PTPRG: variants seen among roughly 807,000 people sequenced by gnomAD.
PTPRG encodes protein tyrosine phosphatase receptor type G.
Under a neutral mutation model 165.3 loss-of-function variants are expected in PTPRG, and 102 were observed. The observed-to-expected ratio is 0.62, with a 90% CI of 0.53 to 0.73. The LOEUF is 0.73. Ranked by LOEUF, PTPRG falls within the 30% of genes least tolerant of loss-of-function variation. The probability of loss-of-function intolerance (pLI) is 0.00; values close to 1 mark genes in which losing one functional copy is unlikely to be tolerated. For missense variants in PTPRG, 1,866 were observed against 1,861.4 expected, an observed-to-expected ratio of 1.00 and a Z score of -0.05; for synonymous variants, 675 against 669.5, an observed-to-expected ratio of 1.01 and a Z score of -0.13.
chr3:62,189,070 A>C (rs1038758244), intron 8 of PTPRG, among the ~76,000 whole-genome samples: 1 of 152,040 alleles, frequency 6.6e-6, no homozygotes, highest in African/African-American at 2.4e-5. Flanking sequence ...GTCTCCGTGG[A>C]AGCCTCCCTT....
intron 1 of PTPRG, among the ~76,000 whole-genome samples, chr3:61,643,934 A>G (rs1417493897): frequency 2.0e-5 from 3 of 152,216 alleles, no homozygotes; most frequent in African/African-American, 7.2e-5. Flanking sequence ...TGCACCTTGT[A>G]GGAAGGAACA....
chr3:61,905,931 T>G (rs1346812174), intron 2 of PTPRG, among the ~76,000 whole-genome samples: 2 of 152,238 alleles, frequency 1.3e-5, no homozygotes, highest in African/African-American at 4.8e-5. Flanking sequence ...TTAAGATTCC[T>G]TGTACTTAGG....
chr3:62,137,364 G>A (rs575416728), intron 6 of PTPRG, among the ~76,000 whole-genome samples: 1 of 152,296 alleles, frequency 6.6e-6, no homozygotes, highest in South Asian at 2.1e-4. Flanking sequence ...GTGAATCGGT[G>A]TAAAAATATA....
intron 1 of PTPRG, among the ~76,000 whole-genome samples, chr3:61,704,814 A>C (rs773233787): frequency 7.2e-5 from 11 of 152,206 alleles, no homozygotes; most frequent in Non-Finnish European, 1.5e-4. Context: ...ATACTTTCTG[A>C]GATGAACTGC....
chr3:61,885,366 A>G (rs2037999079), intron 2 of PTPRG, among the ~76,000 whole-genome samples: 1 of 151,692 alleles, frequency 6.6e-6, no homozygotes, highest in African/African-American at 2.4e-5. Flanking sequence ...AAAAATGATT[A>G]TCCATACTTC....
intron 1 of PTPRG, among the ~76,000 whole-genome samples, chr3:61,637,681 G>A (rs1289310194): frequency 6.6e-6 from 1 of 152,122 alleles, no homozygotes; most frequent in Non-Finnish European, 1.5e-5. Flanking sequence ...GGGTTGCGTC[G>A]CATTGCTTCC....
At chr3:61,824,382 C>T (rs1408239772) in intron 2 of PTPRG, among the ~76,000 whole-genome samples, 2 of 152,216 alleles carry the variant, frequency 1.3e-5, no homozygotes, top group African/African-American at 4.8e-5. Flanking sequence ...AAACCCCACA[C>T]AGTCTTCTAC....
intron 2 of PTPRG, among the ~76,000 whole-genome samples, chr3:61,778,784 C>G (rs191474713): frequency 2.0e-5 from 3 of 152,066 alleles, no homozygotes; most frequent in Non-Finnish European, 2.9e-5. Flanking sequence ...GGGAAGGTCT[C>G]CCAGTCATGT....
intron 28 of PTPRG, among the ~76,000 whole-genome samples, chr3:62,285,796 C>T (rs960251959): frequency 3.3e-5 from 5 of 152,112 alleles, no homozygotes; most frequent in Non-Finnish European, 5.9e-5. Flanking sequence ...TCTTATAAGA[C>T]AGCTGTAGAT....
At chr3:62,261,718 C>T (rs1701704010) in intron 16 of PTPRG, 1 of 151,588 alleles carries the variant, frequency 6.6e-6, no homozygotes, top group South Asian at 2.1e-4. Context: ...AAATTCTTTG[C>T]TTTTATACCT....
intron 1 of PTPRG, among the ~76,000 whole-genome samples, chr3:61,692,545 T>G (rs1272394742): frequency 6.6e-6 from 1 of 152,074 alleles, no homozygotes; most frequent in Non-Finnish European, 1.5e-5. Flanking sequence ...TTCACCTGGG[T>G]ACAGGCGGGC....
intron 5 of PTPRG, among the ~76,000 whole-genome samples, chr3:62,119,895 A>G (rs1470715540): frequency 6.7e-6 from 1 of 150,274 alleles, no homozygotes; most frequent in East Asian, 2.0e-4. Flanking sequence ...TGGGCTCCCA[A>G]AGTGCTGGAA....
chr3:61,768,987 A>G (rs1274093535), intron 2 of PTPRG, among the ~76,000 whole-genome samples: 1 of 152,196 alleles, frequency 6.6e-6, no homozygotes, highest in African/African-American at 2.4e-5. Flanking sequence ...AACTATGCCA[A>G]TTTACATTAG....
chr3:61,563,716 CG>C (rs1439476143), intron 1 of PTPRG, among the ~76,000 whole-genome samples: 1 of 152,232 alleles, frequency 6.6e-6, no homozygotes, highest in Non-Finnish European at 1.5e-5. Context: ...CGCCTGTCCT[CG>C]GGCGGCTGGA....
At chr3:61,766,893 T>C (rs1004696432) in intron 2 of PTPRG, among the ~76,000 whole-genome samples, 2 of 151,908 alleles carry the variant, frequency 1.3e-5, no homozygotes, top group Non-Finnish European at 2.9e-5. Context: ...GTGCTGGGAT[T>C]ACAGGCATGA....
intron 4 of PTPRG, among the ~76,000 whole-genome samples, chr3:62,018,301 T>C (rs1262806028): frequency 6.6e-6 from 1 of 152,098 alleles, no homozygotes; most frequent in Non-Finnish European, 1.5e-5. Flanking sequence ...AAAAGAAAAA[T>C]AAAAACCTTC....
chr3:61,912,941 A>G (rs1017880822), intron 2 of PTPRG, among the ~76,000 whole-genome samples: 12 of 152,144 alleles, frequency 7.9e-5, no homozygotes, highest in Admixed American at 7.2e-4. Flanking sequence ...CATGCTGAAA[A>G]TAACATGAAC....
intron 2 of PTPRG, among the ~76,000 whole-genome samples, chr3:61,981,632 T>C (rs186527596): frequency 9.5e-4 from 145 of 152,344 alleles, no homozygotes; most frequent in Non-Finnish European, 1.8e-3. Context: ...GTGGTTACTT[T>C]TAGTAAGGTA....
intron 1 of PTPRG, among the ~76,000 whole-genome samples, chr3:61,679,789 AAAAAACAG>A (rs775215619): frequency 2.6e-5 from 4 of 152,080 alleles, no homozygotes. Context: ...CAAAAAACCA[AAAAAACAG>A]AAAAGCAAAA....
Sources: gnomAD v4.1 joint callset for allele counts (sites outside exome capture counted in the v4.1 genomes callset) on GRCh38, gnomAD v4.1.1 for gene constraint, MANE v1.5 for transcripts, NCBI Gene and HGNC (gene_info 2026-07-23, HGNC 2026-07-21) for gene names.